RAPGEF6: variants seen among roughly 807,000 people sequenced by gnomAD.
The protein encoded by RAPGEF6 is Rap guanine nucleotide exchange factor 6.
A neutral mutation model predicts 171.4 loss-of-function variants in RAPGEF6; 56 were observed. The ratio of observed to expected loss-of-function variants is 0.33; its 90% confidence interval spans 0.26 to 0.41. The LOEUF (loss-of-function observed/expected upper bound fraction) is 0.41. Ranked by LOEUF, RAPGEF6 falls within the 10% of genes least tolerant of loss-of-function variation. RAPGEF6 has a pLI of 1.00. For synonymous variants in RAPGEF6, 692 were observed against 650.1 expected, an observed-to-expected ratio of 1.06 and a Z score of -0.98; for missense variants, 1,674 against 1,921.4, an observed-to-expected ratio of 0.87 and a Z score of 2.41.
At chr5:131,463,652 G>T in intron 18 of RAPGEF6, 1 of 767,128 alleles carries the variant, frequency 1.3e-6, no homozygotes, top group Non-Finnish European at 1.6e-6. Context: ...ATAATTTTCA[G>T]AACACATTTT....
chr5:131,583,263 C>T (rs912398625), intron 4 of RAPGEF6, among the ~76,000 whole-genome samples: 10 of 152,126 alleles, frequency 6.6e-5, no homozygotes, highest in Admixed American at 4.6e-4. Context: ...TCAGACATGC[C>T]TTGTTATATC....
chr5:131,472,273 A>T lies in RAPGEF6; in HGVS notation c.2239+314T>A, dbSNP rs538202110. ...TTTTTAGTAGAGATGGTGTTTCACC[A>T]TGTTAGCCAGGATGGTCTCAATCTC... On this transcript the variant is annotated intron_variant, in intron 17 of 27. Transcript: ENST00000509018. The T allele has an allele frequency of 3.3e-3, 1,186 of 354,436 alleles. 6 individuals carry two copies. Among genetic ancestry groups the T allele is most frequent in the Non-Finnish European group, 5.4e-3 (969 of 180,746 alleles). The allele number at this position is 354,436 out of a possible 1,614,324, so 22.0% of individuals were successfully genotyped here.
intron 4 of RAPGEF6, among the ~76,000 whole-genome samples, chr5:131,566,670 T>C (rs1171024480): frequency 6.6e-6 from 1 of 152,140 alleles, no homozygotes; most frequent in Non-Finnish European, 1.5e-5. Context: ...CTTCTTATGT[T>C]TGAAAACATT....
chr5:131,465,017 G>GT (rs1197916743), intron 17 of RAPGEF6, among the ~76,000 whole-genome samples: 1 of 151,776 alleles, frequency 6.6e-6, no homozygotes, highest in African/African-American at 2.4e-5. Flanking sequence ...TTGGTTACTG[G>GT]TAAGACTCAG....
intron 20 of RAPGEF6, among the ~76,000 whole-genome samples, chr5:131,453,715 C>G (rs936514912): frequency 1.3e-5 from 2 of 152,176 alleles, no homozygotes; most frequent in Admixed American, 6.5e-5. Flanking sequence ...GAGGTAGACC[C>G]TGAGGTCTGT....
intron 4 of RAPGEF6, among the ~76,000 whole-genome samples, chr5:131,585,937 T>TA (rs1370117901): frequency 6.6e-6 from 1 of 152,194 alleles, no homozygotes; most frequent in African/African-American, 2.4e-5. Context: ...ATGCTGATCT[T>TA]ACATATGTTG....
chr5:131,428,596 G>A lies in RAPGEF6; in HGVS notation c.4780+306C>T, dbSNP rs543922249. Among the ~76,000 whole-genome samples, 5 of 152,124 alleles carry A rather than the reference G, an allele frequency of 3.3e-5. No homozygotes were observed. The East Asian group carries it at 9.7e-4, about 30-fold the overall frequency. On this transcript the variant is annotated intron_variant, in intron 27 of 27. Transcript: ENST00000509018. The stretch of plus-strand genomic sequence containing the variant: ...CTGCCTCAGCCTCCCGAGTAGCTGG[G>A]ATTACAGGCATGCGCCATAATGCCT...
At position 131,526,485 on chromosome 5, in the gene RAPGEF6, C is replaced by T. The variant is rs375270380; in HGVS notation, c.496-4964G>A. Among the ~76,000 whole-genome samples the T allele has an allele frequency of 3.9e-5, 6 of 152,210 alleles. No homozygotes were observed. In the South Asian group the frequency reaches 6.2e-4, roughly 16 times the overall value. On this transcript the variant is annotated intron_variant, in intron 6 of 27. Transcript: ENST00000509018. ...GAAACCCAGGCAGCCTGACTAAATCCGTTACTCTTTCCTACTAAGTTGTTT... is the reference window on the plus strand; with the variant it reads ...GAAACCCAGGCAGCCTGACTAAATCTGTTACTCTTTCCTACTAAGTTGTTT...
At chr5:131,442,172 G>A (rs1448348266) in intron 23 of RAPGEF6, among the ~76,000 whole-genome samples, 177 bp downstream of exon 23, 3 of 152,146 alleles carry the variant, frequency 2.0e-5, no homozygotes, top group East Asian at 3.8e-4. Context: ...TTTAAAACAC[G>A]TATGCTGTCA....
intron 22 of RAPGEF6, among the ~76,000 whole-genome samples, chr5:131,445,493 C>CTTGTGTGTGTGTGTGTGTG (rs1554070849): frequency 1.2e-4 from 17 of 147,224 alleles, no homozygotes; most frequent in African/African-American, 4.3e-4. Flanking sequence ...AACTCACTCT[C>CTTGTGTGTGTGTGTGTGTG]TGTGTGTGTG....
intron 17 of RAPGEF6, 92 bp from the exon 18 acceptor site, chr5:131,464,373 A>AGGG: frequency 2.2e-6 from 2 of 902,892 alleles, no homozygotes; most frequent in Non-Finnish European, 3.6e-6. Context: ...GATCCCTCTG[A>AGGG]ACACTGAAAT....
chr5:131,592,148 G>A (rs1459164312), intron 4 of RAPGEF6, among the ~76,000 whole-genome samples: 1 of 152,076 alleles, frequency 6.6e-6, no homozygotes, highest in East Asian at 1.9e-4. Context: ...GAGCCACCGT[G>A]CCCAGCCCCA....
intron 1 of RAPGEF6, among the ~76,000 whole-genome samples, chr5:131,627,132 T>C (rs1482577841): frequency 6.6e-6 from 1 of 152,060 alleles, no homozygotes; most frequent in African/African-American, 2.4e-5. Flanking sequence ...TGAAGAGAAA[T>C]AATACAAATT....
intron 3 of RAPGEF6, among the ~76,000 whole-genome samples, chr5:131,598,164 G>A (rs545684787): frequency 2.0e-5 from 3 of 152,160 alleles, no homozygotes; most frequent in South Asian, 4.1e-4. Context: ...TGAAAATCTA[G>A]AATTGAAAAA....
At chr5:131,434,324 C>T (rs1751891134) in intron 24 of RAPGEF6, among the ~76,000 whole-genome samples, 1 of 152,222 alleles carries the variant, frequency 6.6e-6, no homozygotes, top group African/African-American at 2.4e-5. Flanking sequence ...CTCACTGCAG[C>T]TTCGAACTCC....
rs577708806 is a variant in RAPGEF6 at position 131,623,644 on chromosome 5, C to T, written c.69+11318G>A. On this transcript the variant is annotated intron_variant, in intron 1 of 27. Coordinates refer to ENST00000509018, the MANE Select transcript of RAPGEF6 (RefSeq NM_016340.6). Reference sequence around the variant, plus strand: ...GGGATTACAGGCATGCACCACCACGCCCGGCTAATTTTGTATTTTTAGTAC... The same window carrying T: ...GGGATTACAGGCATGCACCACCACGTCCGGCTAATTTTGTATTTTTAGTAC... Among the ~76,000 whole-genome samples, 6 of 152,124 alleles carry T rather than the reference C, an allele frequency of 3.9e-5. No individual in the cohort carries two copies. The South Asian group carries it at 1.0e-3, about 26-fold the overall frequency.
intron 5 of RAPGEF6, among the ~76,000 whole-genome samples, chr5:131,560,636 A>C (rs1761537999): frequency 6.6e-6 from 1 of 152,266 alleles, no homozygotes; most frequent in Non-Finnish European, 1.5e-5. Context: ...CAGTGCTTAA[A>C]GAAAATAAAT....
intron 1 of RAPGEF6, among the ~76,000 whole-genome samples, chr5:131,612,733 T>C (rs745636404): frequency 1.3e-5 from 2 of 152,190 alleles, no homozygotes; most frequent in Non-Finnish European, 2.9e-5. Context: ...TCCATGTGGG[T>C]AGGCTAGTGT....
At chr5:131,525,769 T>G (rs1758833408) in intron 6 of RAPGEF6, among the ~76,000 whole-genome samples, 1 of 152,016 alleles carries the variant, frequency 6.6e-6, no homozygotes, top group South Asian at 2.1e-4. Flanking sequence ...GGAGATAGTA[T>G]ATATTGCAAA....
Sources: gnomAD v4.1 joint callset for allele counts (sites outside exome capture counted in the v4.1 genomes callset) on GRCh38, gnomAD v4.1.1 for gene constraint, MANE v1.5 for transcripts, NCBI Gene and HGNC (gene_info 2026-07-23, HGNC 2026-07-21) for gene names.